WWOX: variants seen among roughly 807,000 people sequenced by gnomAD.
WWOX encodes WW domain containing oxidoreductase.
Under a neutral mutation model 46.2 loss-of-function variants are expected in WWOX, and 69 were observed. That is an observed-to-expected ratio of 1.49 (90% confidence interval 1.23 to 1.82). WWOX has a LOEUF of 1.82. WWOX is among the 40% of genes most tolerant of loss of function. The pLI, the probability that WWOX is intolerant of heterozygous loss-of-function variation, is 0.00. For synonymous variants in WWOX, 359 were observed against 202.6 expected (o/e 1.77, Z -6.56); for missense variants, 919 against 542.6 (o/e 1.69, Z -6.89).
At chr16:78,735,981 T>A (rs940984200) in intron 8 of WWOX, among the ~76,000 whole-genome samples, 1 of 152,216 alleles carries the variant, frequency 6.6e-6, no homozygotes, top group Non-Finnish European at 1.5e-5. Flanking sequence ...GTGTGCCACC[T>A]CAAGCGATTC....
intron 8 of WWOX, among the ~76,000 whole-genome samples, chr16:78,772,302 C>G (rs552756457): frequency 2.0e-5 from 3 of 152,316 alleles, no homozygotes; most frequent in South Asian, 2.1e-4. Context: ...ATTTGATTTT[C>G]TCTTCCTGCA....
At chr16:78,309,112 G>A (rs1033431881) in intron 5 of WWOX, among the ~76,000 whole-genome samples, 2 of 152,138 alleles carry the variant, frequency 1.3e-5, no homozygotes, top group Non-Finnish European at 2.9e-5. Flanking sequence ...CACCTGATAT[G>A]GTTTGGCTGC....
At chr16:78,844,000 A>C (rs1209173634) in intron 8 of WWOX, among the ~76,000 whole-genome samples, 1 of 152,190 alleles carries the variant, frequency 6.6e-6, no homozygotes, top group Non-Finnish European at 1.5e-5. Context: ...TGTATTCAAC[A>C]TGCTCTGAGA....
intron 8 of WWOX, among the ~76,000 whole-genome samples, chr16:78,452,787 C>T (rs951352021): frequency 6.6e-6 from 1 of 150,682 alleles, no homozygotes. Context: ...TTAATAAATA[C>T]GTATTTATGT....
chr16:78,380,313 G>A (rs538770838), intron 5 of WWOX, among the ~76,000 whole-genome samples: 19 of 152,268 alleles, frequency 1.2e-4, no homozygotes, highest in Admixed American at 1.1e-3. Flanking sequence ...GCTGAATCAT[G>A]GCTTTGCAGT....
intron 8 of WWOX, among the ~76,000 whole-genome samples, chr16:78,605,332 A>T (rs1048432367): frequency 6.6e-6 from 1 of 151,398 alleles, no homozygotes; most frequent in African/African-American, 2.4e-5. Context: ...TATATAATCA[A>T]TATTTAGTGA....
At chr16:78,341,844 G>C (rs1255945273) in intron 5 of WWOX, among the ~76,000 whole-genome samples, 1 of 121,036 alleles carries the variant, frequency 8.3e-6, no homozygotes, top group African/African-American at 2.8e-5. Context: ...ACAGGGCATG[G>C]TGGTGCACAC....
rs1384324367 is a variant in WWOX at position 78,430,591 on chromosome 16, G to C, written c.792-1897G>C. Among the ~76,000 whole-genome samples the C allele has an allele frequency of 2.6e-5, 4 of 152,192 alleles. No individual in the cohort carries two copies. In the East Asian group the frequency reaches 7.8e-4, roughly 29 times the overall value. ...GCAGTCATCACGACAACCAGAAGAAGGCCGTCATATATTTTCAAATTGCCT... is the reference window on the plus strand; with the variant it reads ...GCAGTCATCACGACAACCAGAAGAACGCCGTCATATATTTTCAAATTGCCT... On this transcript the variant is annotated intron_variant, in intron 7 of 8. Coordinates refer to ENST00000566780, the MANE Select transcript of WWOX (RefSeq NM_016373.4).
At chr16:79,015,465 C>T (rs1364511861) in intron 8 of WWOX, among the ~76,000 whole-genome samples, 1 of 152,156 alleles carries the variant, frequency 6.6e-6, no homozygotes, top group Non-Finnish European at 1.5e-5. Flanking sequence ...TGAGTGTCTG[C>T]TGCATAGTAG....
intron 1 of WWOX, chr16:78,100,133 T>TGCGCG: frequency 1.5e-6 from 2 of 1,332,534 alleles, no homozygotes; most frequent in Non-Finnish European, 9.6e-7. Context: ...GATGCAGCAC[T>TGCGCG]GCGCGGCGCG....
chr16:78,874,071 C>T (rs886455778), intron 8 of WWOX, among the ~76,000 whole-genome samples: 5 of 151,052 alleles, frequency 3.3e-5, no homozygotes, highest in African/African-American at 7.3e-5. Context: ...ACCAGCCTGA[C>T]CAACCCTGTC....
intron 1 of WWOX, 25 bp from the exon 2 acceptor site, chr16:78,108,398 C>T (rs1164204680): frequency 2.5e-6 from 4 of 1,598,324 alleles, no homozygotes; most frequent in African/African-American, 1.4e-5. Context: ...TTACTTATTA[C>T]TGTGGATTTT....
At chr16:78,886,088 C>T (rs978738739) in intron 8 of WWOX, among the ~76,000 whole-genome samples, 1 of 151,878 alleles carries the variant, frequency 6.6e-6, no homozygotes, top group Non-Finnish European at 1.5e-5. Flanking sequence ...CCACACCAGG[C>T]TAATTTTTGT....
chr16:78,649,358 A>C (rs2046914919), intron 8 of WWOX, among the ~76,000 whole-genome samples: 1 of 151,926 alleles, frequency 6.6e-6, no homozygotes, highest in African/African-American at 2.4e-5. Context: ...ATCCTAGCTT[A>C]CTGCAGCCTG....
intron 5 of WWOX, among the ~76,000 whole-genome samples, chr16:78,283,884 G>C (rs894667403): frequency 5.9e-5 from 9 of 152,132 alleles, no homozygotes; most frequent in African/African-American, 2.2e-4. Context: ...ATAATCATCT[G>C]TCCATTCCTG....
chr16:78,361,177 G>A (rs758223886), intron 5 of WWOX, among the ~76,000 whole-genome samples: 1 of 152,102 alleles, frequency 6.6e-6, no homozygotes, highest in Non-Finnish European at 1.5e-5. Context: ...CTGATCTTGA[G>A]ACCTTGATTT....
chr16:79,211,005 T>C (rs890132998), intron 8 of WWOX, among the ~76,000 whole-genome samples: 1 of 149,942 alleles, frequency 6.7e-6, no homozygotes, highest in African/African-American at 2.5e-5. Flanking sequence ...GTGTTATGTG[T>C]TTGTGCTAAG....
At chr16:78,919,713 T>C (rs752882006) in intron 8 of WWOX, among the ~76,000 whole-genome samples, 8 of 151,980 alleles carry the variant, frequency 5.3e-5, no homozygotes, top group Non-Finnish European at 1.0e-4. Context: ...AGAGGGGTTT[T>C]ACCATATTGG....
At chr16:78,850,163 A>T (rs565630598) in intron 8 of WWOX, among the ~76,000 whole-genome samples, 57 of 151,828 alleles carry the variant, frequency 3.8e-4, no homozygotes, top group South Asian at 1.0e-3. Flanking sequence ...AGTGTGTGTG[A>T]GTGTGTGTGT....
Sources: allele counts gnomAD v4.1 joint callset (sites outside exome capture counted in the v4.1 genomes callset), GRCh38; gene constraint gnomAD v4.1.1; transcripts MANE v1.5; gene names NCBI Gene and HGNC (gene_info 2026-07-23, HGNC 2026-07-21).